P2RY8: variants seen among roughly 807,000 people sequenced by gnomAD.
P2RY8 encodes P2Y receptor family member 8.
P2RY8 carries 6 observed loss-of-function variants against 10.0 expected under a neutral mutation model. The ratio of observed to expected loss-of-function variants is 0.60; its 90% CI spans 0.33 to 1.19. The LOEUF is 1.19. P2RY8 is among the 50% of genes most tolerant of loss of function. The pLI is 0.04. For missense variants in P2RY8, 456 were observed against 542.0 expected (o/e 0.84, Z 1.58); for synonymous variants, 276 against 252.5 (o/e 1.09, Z -0.88).
chrX:1,496,494 A>T (rs5989763), intron 1 of P2RY8, among the ~76,000 whole-genome samples: 1 of 151,570 alleles, frequency 6.6e-6, no homozygotes, highest in East Asian at 2.0e-4. Flanking sequence ...CGCTCAGTTC[A>T]CAGGAAGCAA....
chrX:1,502,753 G>C (rs1180997581), intron 1 of P2RY8, among the ~76,000 whole-genome samples: 1 of 152,200 alleles, frequency 6.6e-6, no homozygotes, highest in Non-Finnish European at 1.5e-5. Context: ...GCAATGACAG[G>C]TGTCCTTCTA....
chrX:1,471,309 A>ATTTTTTTTTTTTTTTTTTTTTT (rs1159260456), intron 1 of P2RY8, among the ~76,000 whole-genome samples: 1 of 100,026 alleles, frequency 1.0e-5, no homozygotes, highest in Non-Finnish European at 1.9e-5. Flanking sequence ...CGCCCAGCCC[A>ATTTTTTTTTTTTTTTTTTTTTT]TTTTTTTTTT....
chrX:1,493,941 C>CG (rs1172881918), intron 1 of P2RY8, among the ~76,000 whole-genome samples: 22 of 152,104 alleles, frequency 1.4e-4, no homozygotes, highest in African/African-American at 5.1e-4. Context: ...CTGGTGAGCC[C>CG]GGGTTAAAAA....
At chrX:1,486,968 C>A (rs1183005884) in intron 1 of P2RY8, among the ~76,000 whole-genome samples, 1 of 152,236 alleles carries the variant, frequency 6.6e-6, no homozygotes, top group African/African-American at 2.4e-5. Context: ...GCCCCAGGGC[C>A]GAGCTTCCGC....
chrX:1,509,999 T>C (rs1162867992), intron 1 of P2RY8, among the ~76,000 whole-genome samples: 9 of 152,066 alleles, frequency 5.9e-5, no homozygotes, highest in South Asian at 2.1e-4. Context: ...TATGTATCTA[T>C]GTATCTATCC....
In P2RY8 at chrX:1,465,631, A is replaced by G; in HGVS notation, c.928T>C (p.Cys310Arg). The G allele has an allele frequency of 6.2e-7, 1 of 1,613,422 alleles. No homozygotes were observed. The highest frequency in any genetic ancestry group is 8.5e-7 in the Non-Finnish European group (1 of 1,179,814). ...FQLRLREYLG[C>R]RRVPRDTLDT... ...AGGGTGTCTCTGGGCACCCGGCGGC[A>G]GCCCAAATATTCCCGCAGGCGCAGC... The change falls in exon 2 of 2, where the codon TGC (cysteine) becomes CGC (arginine). Residue 310 changes from cysteine to arginine, a missense_variant. By Grantham distance (180) the Cys-to-Arg change is radical. Coordinates refer to ENST00000381297, the MANE Select transcript of P2RY8 (RefSeq NM_178129.5).
chrX:1,530,625 T>A (rs1193387050), intron 1 of P2RY8, among the ~76,000 whole-genome samples: 1 of 150,928 alleles, frequency 6.6e-6, no homozygotes, highest in African/African-American at 2.4e-5. Flanking sequence ...TGTGTATCTA[T>A]CTATCCTATC....
intron 1 of P2RY8, among the ~76,000 whole-genome samples, chrX:1,495,977 A>G (rs1233814927): frequency 2.0e-5 from 3 of 151,626 alleles, no homozygotes; most frequent in Non-Finnish European, 2.9e-5. Context: ...TCCACAAGAG[A>G]GGCCTCAGGA....
intron 1 of P2RY8, among the ~76,000 whole-genome samples, chrX:1,509,099 G>GTATC (rs760585041): frequency 0.2 from 26,537 of 132,974 alleles, 1,703 homozygotes; most frequent in Admixed American, 0.26. Context: ...ATGTATCTAT[G>GTATC]TATCTATCTA....
chrX:1,528,531 C>G (rs1179096422), intron 1 of P2RY8, among the ~76,000 whole-genome samples: 1 of 152,362 alleles, frequency 6.6e-6, no homozygotes, highest in South Asian at 2.1e-4. Context: ...CAGGGAAGCC[C>G]GGAGGAGCAA....
rs772649710 is a variant in P2RY8 at position 1,463,581 on chromosome X, C to T, written c.*1898G>A. The T allele has an allele frequency of 9.4e-5, 22 of 232,858 alleles. No individual in the cohort carries two copies. In the East Asian group the frequency reaches 1.3e-3, roughly 14 times the overall value. 14.4% of individuals were successfully genotyped at this position (232,858 alleles called of 1,614,324 possible). ...TCATCTTCATATCCTTAAGTAATTA[C>T]ACATGCAAAGTTCCTTATTACCGAA... On this transcript the variant is annotated 3_prime_UTR_variant, in exon 2 of 2. Transcript: ENST00000381297.
intron 1 of P2RY8, among the ~76,000 whole-genome samples, chrX:1,509,740 T>G (rs2092280912): frequency 8.8e-6 from 1 of 113,726 alleles, no homozygotes; most frequent in Non-Finnish European, 1.9e-5. Flanking sequence ...TATCTATCTA[T>G]GTATCTATCT....
chrX:1,513,618 C>T (rs1481384332), intron 1 of P2RY8, among the ~76,000 whole-genome samples: 1 of 150,704 alleles, frequency 6.6e-6, no homozygotes, highest in Non-Finnish European at 1.5e-5. Flanking sequence ...TCTCAAGGTC[C>T]TTAACTTAAT....
chrX:1,524,809 C>T (rs1461645433), intron 1 of P2RY8, among the ~76,000 whole-genome samples: 1 of 6,132 alleles, frequency 1.6e-4, no homozygotes, highest in Admixed American at 2.1e-3. Context: ...ATCCACTCAT[C>T]CATCCATCCA....
intron 1 of P2RY8, among the ~76,000 whole-genome samples, chrX:1,470,478 C>A (rs1383611056): frequency 6.6e-6 from 1 of 152,022 alleles, no homozygotes; most frequent in Non-Finnish European, 1.5e-5. Context: ...GAGATCACAC[C>A]ATTGCACTCC....
chrX:1,468,767 C>CCTCTCTCCTCTCTCCT, intron 1 of P2RY8, among the ~76,000 whole-genome samples: 1 of 298 alleles, frequency 3.4e-3, no homozygotes, highest in African/African-American at 0.016. Flanking sequence ...TCCCCTCTCC[C>CCTCTCTCCTCTCTCCT]CTCTCCCCTC....
chrX:1,494,869 A>ATTT lies in P2RY8; in HGVS notation c.-24-28290_-24-28288dup, dbSNP rs59572174. ...AGGCATACATCACCACACCTGGCTA[A>ATTT]TTTTTTTTTTTTTTTGTATTTTTTT... On this transcript the variant is annotated intron_variant, in intron 1 of 1. Coordinates refer to ENST00000381297, the MANE Select transcript of P2RY8 (RefSeq NM_178129.5). 3.0e-3 allele frequency among the ~76,000 whole-genome samples: 431 copies of ATTT among 143,916 alleles called. 1 individual carries two copies. The highest frequency in any genetic ancestry group is 7.7e-3 in the African/African-American group (297 of 38,470). The allele number at this position is 143,916 out of a possible 152,430, so 94.4% of individuals were successfully genotyped here.
intron 1 of P2RY8, among the ~76,000 whole-genome samples, chrX:1,520,701 T>C (rs1413871556): frequency 2.6e-5 from 4 of 151,980 alleles, no homozygotes; most frequent in Non-Finnish European, 4.4e-5. Flanking sequence ...ATCTCCCTGG[T>C]CTCCAATATT....
At chrX:1,517,979 C>CAG (rs1569538501) in intron 1 of P2RY8, among the ~76,000 whole-genome samples, 2 of 150,866 alleles carry the variant, frequency 1.3e-5, no homozygotes, top group Admixed American at 6.6e-5. Flanking sequence ...CGTGGTGGTG[C>CAG]GCACCTGTAA....
Sources: gnomAD v4.1 joint callset for allele counts (sites outside exome capture counted in the v4.1 genomes callset) on GRCh38, gnomAD v4.1.1 for gene constraint, MANE v1.5 for transcripts, NCBI Gene and HGNC (gene_info 2026-07-23, HGNC 2026-07-21) for gene names.